The following TCP11L2 variants were observed in gnomAD, a reference collection of about 807,000 sequenced individuals.
TCP11L2 encodes t-complex 11 like 2.
In TCP11L2, 39 loss-of-function variants were observed where a neutral mutation model predicts 50.7. The observed-to-expected ratio is 0.77, with a 90% CI of 0.60 to 1.01. The LOEUF (loss-of-function observed/expected upper bound fraction) is 1.01, where lower values mean the gene tolerates loss of function less well. Ranked by LOEUF, TCP11L2 falls within the 50% of genes least tolerant of loss-of-function variation. The pLI is 0.00. For synonymous variants in TCP11L2, 192 were observed against 219.3 expected (o/e 0.88, Z 1.10); for missense variants, 612 against 614.7 (o/e 1.00, Z 0.05).
chr12:106,314,659 C>A (rs1204415964), intron 3 of TCP11L2, among the ~76,000 whole-genome samples, 166 bp downstream of exon 3: 2 of 149,132 alleles, frequency 1.3e-5, no homozygotes, highest in Non-Finnish European at 3.0e-5. Flanking sequence ...TGTATAATAT[C>A]CTCAGGGGTA....
At chr12:106,341,929 T>G in intron 9 of TCP11L2, among the ~76,000 whole-genome samples, 1 of 152,152 alleles carries the variant, frequency 6.6e-6, no homozygotes, top group Non-Finnish European at 1.5e-5. Flanking sequence ...GCCTGAGACA[T>G]GTATTCACCT....
At chr12:106,323,435 G>A (rs1191824230) in intron 5 of TCP11L2, 75 bp from the exon 6 acceptor site, 4 of 1,339,734 alleles carry the variant, frequency 3.0e-6, no homozygotes, top group East Asian at 5.1e-5. Flanking sequence ...TTTTCAGCCT[G>A]GAACATAGAT....
At chr12:106,320,186 G>T (rs1461588126) in intron 4 of TCP11L2, among the ~76,000 whole-genome samples, 2 of 152,166 alleles carry the variant, frequency 1.3e-5, no homozygotes, top group Admixed American at 6.5e-5. Context: ...GGATCACAAG[G>T]TCGGGGGATA....
chr12:106,344,276 A>G (rs1228700503), intron 9 of TCP11L2, among the ~76,000 whole-genome samples: 1 of 152,060 alleles, frequency 6.6e-6, no homozygotes, highest in Non-Finnish European at 1.5e-5. Flanking sequence ...GACTCTTTTC[A>G]GTCCATTCTC....
At chr12:106,303,023 A>T (rs1454343245) in intron 1 of TCP11L2, 82 bp downstream of exon 1, 1 of 152,286 alleles carries the variant, frequency 6.6e-6, no homozygotes, top group Non-Finnish European at 1.5e-5. Context: ...CTGCAGCCCG[A>T]AGGCTCCCCT....
chr12:106,336,887 A>G (rs1225246959), intron 8 of TCP11L2, among the ~76,000 whole-genome samples: 1 of 152,142 alleles, frequency 6.6e-6, no homozygotes. Context: ...ATGTTTACTG[A>G]CTTCACAAAT....
chr12:106,321,748 G>C (rs776742527), intron 5 of TCP11L2, 42 bp downstream of exon 5: 2 of 1,567,420 alleles, frequency 1.3e-6, no homozygotes, highest in South Asian at 2.2e-5. Flanking sequence ...GTATCTTTGA[G>C]TTCATTCAGA....
intron 4 of TCP11L2, among the ~76,000 whole-genome samples, chr12:106,318,732 A>G (rs563883755): frequency 1.3e-5 from 2 of 152,144 alleles, no homozygotes; most frequent in East Asian, 3.9e-4. Context: ...TTGTTTTGAG[A>G]CGGAGTCTCG....
Position 106,315,793 on chromosome 12 carries a change from C to T in TCP11L2, c.293+1300C>T, listed in dbSNP as rs79927981. On this transcript the variant is annotated intron_variant, in intron 3 of 9. Coordinates refer to ENST00000299045, the MANE Select transcript of TCP11L2 (RefSeq NM_152772.3). ...TCAGTGGCTCACAGGTTTCCTGAGA[C>T]AAAGAGAAGAGGCTTGAGACTATTA... Among the ~76,000 whole-genome samples, 1,046 of 152,242 alleles carry T rather than the reference C, an allele frequency of 6.9e-3. 20 individuals are homozygous for T. Among genetic ancestry groups the T allele is most frequent in the African/African-American group, 0.024 (1,005 of 41,534 alleles).
At position 106,311,669 on chromosome 12, in the gene TCP11L2, C is replaced by CA. The variant is rs549765390; in HGVS notation, c.157+444dup. The stretch of plus-strand genomic sequence containing the variant: ...AATCTAAAGGGTTTCATGTTGATTT[C>CA]AAAAAAATATTGTGCAAATCACCCC... On this transcript the variant is annotated intron_variant, in intron 2 of 9. Coordinates refer to ENST00000299045, the MANE Select transcript of TCP11L2 (RefSeq NM_152772.3). Among the ~76,000 whole-genome samples, 80 of 152,016 alleles carry CA rather than the reference C, an allele frequency of 5.3e-4. No individual in the cohort carries two copies. The East Asian group carries it at 0.014, about 27-fold the overall frequency.
intron 6 of TCP11L2, among the ~76,000 whole-genome samples, chr12:106,327,905 A>C (rs1290711058): frequency 6.6e-6 from 1 of 152,266 alleles, no homozygotes; most frequent in Non-Finnish European, 1.5e-5. Flanking sequence ...GTACTAAGTA[A>C]GTAGCAACAA....
At chr12:106,312,257 A>ATTTT (rs55891003) in intron 2 of TCP11L2, 13 of 291,614 alleles carry the variant, frequency 4.5e-5, no homozygotes, top group East Asian at 2.3e-4. Flanking sequence ...TTTAGTTTCC[A>ATTTT]TTTTTTTTTT....
At chr12:106,311,284 T>C (rs372739700) in intron 2 of TCP11L2, 52 bp downstream of exon 2, 99 of 1,583,216 alleles carry the variant, frequency 6.3e-5, no homozygotes, top group African/African-American at 6.2e-4. Flanking sequence ...CTTCTAGATA[T>C]GTGTTGGATT....
chr12:106,306,882 A>G (rs544937513), intron 1 of TCP11L2, among the ~76,000 whole-genome samples: 2 of 152,322 alleles, frequency 1.3e-5, no homozygotes, highest in East Asian at 1.9e-4. Context: ...TCCAGAGGCA[A>G]TGTTCTTATG....
At chr12:106,317,866 T>C (rs996173607) in intron 3 of TCP11L2, among the ~76,000 whole-genome samples, 2 of 152,228 alleles carry the variant, frequency 1.3e-5, no homozygotes, top group Non-Finnish European at 2.9e-5. Context: ...TTTCACCAGT[T>C]TGGTCTGGCT....
chr12:106,344,354 G>T (rs1378620259), intron 9 of TCP11L2, among the ~76,000 whole-genome samples: 3 of 152,104 alleles, frequency 2.0e-5, no homozygotes, highest in African/African-American at 7.2e-5. Flanking sequence ...AGATAAAAAA[G>T]ATATAAACCT....
At chr12:106,343,850 G>T (rs568271333) in intron 9 of TCP11L2, among the ~76,000 whole-genome samples, 1 of 151,602 alleles carries the variant, frequency 6.6e-6, no homozygotes, top group South Asian at 2.1e-4. Flanking sequence ...GTAGAGACGG[G>T]GTTCCACCAT....
At chr12:106,325,271 G>A (rs1377167196) in intron 6 of TCP11L2, 2 of 152,168 alleles carry the variant, frequency 1.3e-5, no homozygotes, top group Non-Finnish European at 2.9e-5. Context: ...TATTACACTG[G>A]GTGAGACTAC....
At chr12:106,312,271 T>C in intron 2 of TCP11L2, 1 of 417,214 alleles carries the variant, frequency 2.4e-6, no homozygotes. Context: ...TTTTTTTTTT[T>C]TTTTTTTGCT....
Sources: gnomAD v4.1 joint callset for allele counts (sites outside exome capture counted in the v4.1 genomes callset) on GRCh38, gnomAD v4.1.1 for gene constraint, MANE v1.5 for transcripts, NCBI Gene and HGNC (gene_info 2026-07-23, HGNC 2026-07-21) for gene names.